Variants in CYB561A3 observed in about 807,000 individuals in gnomAD.
The protein encoded by CYB561A3 is cytochrome b561 family member A3, also known as lysosomal membrane ascorbate-dependent ferrireductase CYB561A3.
A neutral mutation model predicts 25.3 loss-of-function variants in CYB561A3; 16 were observed. That is an observed-to-expected ratio of 0.63 (90% CI 0.43 to 0.96). The LOEUF is 0.96. Among genes scored for constraint, CYB561A3 ranks in the 40% least tolerant of loss-of-function variants. CYB561A3 has a pLI of 0.00. For missense variants in CYB561A3, 219 were observed against 307.5 expected, an observed-to-expected ratio of 0.71 and a Z score of 2.15; for synonymous variants, 131 against 129.9, an observed-to-expected ratio of 1.01 and a Z score of -0.06.
intron 5 of CYB561A3, chr11:61,352,717 G>A (rs1857472118): frequency 1.0e-6 from 1 of 994,532 alleles, no homozygotes; most frequent in African/African-American, 1.7e-5. Context: ...TACCAATGAT[G>A]TAGGGTGGTT....
In CYB561A3 at chr11:61,349,703, CAG is replaced by C; in HGVS notation, c.*694_*695del. 1 of 699,614 alleles carries C rather than the reference CAG, an allele frequency of 1.4e-6. No individual in the cohort carries two copies. The highest frequency in any genetic ancestry group is 1.5e-5 in the South Asian group (1 of 67,318). 43.3% of individuals were successfully genotyped at this position (699,614 alleles called of 1,614,324 possible). On this transcript the variant is annotated 3_prime_UTR_variant, in exon 7 of 7. Coordinates refer to ENST00000294072, the MANE Select transcript of CYB561A3 (RefSeq NM_153611.6). ...GCAGACACAGAGCAGCAATACGAAA[CAG>C]AACAGCTCAGAGCGGTCAGCTCCTC...
Position 61,361,717 on chromosome 11 carries a change from C to A in CYB561A3, c.-112+16G>T, listed in dbSNP as rs894434472. 6.6e-6 allele frequency: 1 copy of A among 152,348 alleles called. No individual in the cohort carries two copies. The highest frequency in any genetic ancestry group is 2.4e-5 in the African/African-American group (1 of 41,472). The allele number at this position is 152,348 out of a possible 1,614,324, so 9.4% of individuals were successfully genotyped here. On this transcript the variant is annotated intron_variant, in intron 1 of 6. Coordinates refer to ENST00000294072, the MANE Select transcript of CYB561A3 (RefSeq NM_153611.6). ...AACCCAGGTCCCTGAACTCCCAGCC[C>A]CGGGATCCTTCTCACCCCTAACCAC...
chr11:61,355,571 C>G (rs899890471), intron 3 of CYB561A3, among the ~76,000 whole-genome samples: 1 of 151,746 alleles, frequency 6.6e-6, no homozygotes, highest in East Asian at 1.9e-4. Flanking sequence ...ATCTCAGGTA[C>G]TTGGGAGGCT....
intron 2 of CYB561A3, chr11:61,357,174 T>C (rs1351566902): frequency 1.3e-6 from 2 of 1,551,260 alleles, no homozygotes; most frequent in Non-Finnish European, 1.7e-6. Flanking sequence ...AAAATTACAG[T>C]CTGAAAAGAG....
chr11:61,349,490 A>G lies in CYB561A3; in HGVS notation c.*909T>C. The G allele has an allele frequency of 1.4e-6, 1 of 698,458 alleles. No individual in the cohort carries two copies. Among genetic ancestry groups the G allele is most frequent in the Non-Finnish European group, 2.6e-6 (1 of 381,548 alleles). The allele number at this position is 698,458 out of a possible 1,614,324, so 43.3% of individuals were successfully genotyped here. A position where few individuals can be genotyped will look rare whatever the true frequency, so the allele number is the denominator to read the frequency against. On this transcript the variant is annotated 3_prime_UTR_variant, in exon 7 of 7. Coordinates refer to ENST00000294072, the MANE Select transcript of CYB561A3 (RefSeq NM_153611.6). ...CAGCAAGGAGAAGTAGAGGAAGTCC[A>G]CAGCCACCTCTGTTACTCATCGCTA... is the stretch of plus-strand genomic sequence containing the variant.
chr11:61,354,848 T>TGTTTGGC (rs991704375), intron 3 of CYB561A3: 6 of 149,802 alleles, frequency 4.0e-5, no homozygotes, highest in African/African-American at 1.5e-4. Context: ...GCCTCTTAGC[T>TGTTTGGC]GTTTGGCCTC....
At chr11:61,352,305 C>CT (rs1857449687) in intron 5 of CYB561A3, 2 of 34,038 alleles carry the variant, frequency 5.9e-5, no homozygotes, top group Non-Finnish European at 1.4e-3. Flanking sequence ...TCTGTTCCCT[C>CT]ATTTTTTTTA....
intron 1 of CYB561A3, chr11:61,360,150 G>C (rs757124275): frequency 2.6e-5 from 4 of 152,180 alleles, no homozygotes; most frequent in Non-Finnish European, 5.9e-5. Context: ...GCTGAGGTGG[G>C]AGGATGGCTT....
At chr11:61,350,843 A>G (rs1340336237) in intron 6 of CYB561A3, 148 bp downstream of exon 6, 2 of 1,192,014 alleles carry the variant, frequency 1.7e-6, no homozygotes, top group East Asian at 5.3e-5. Context: ...AGTGCTCCCC[A>G]TCAGCCACCC....
intron 1 of CYB561A3, chr11:61,361,203 C>G (rs1857862356): frequency 1.3e-5 from 2 of 152,126 alleles, no homozygotes; most frequent in African/African-American, 2.4e-5. Context: ...GGGCCCAAAA[C>G]AAGAAAATGA....
upstream of CYB561A3, chr11:61,361,908 C>T (rs1272231046): frequency 6.6e-6 from 1 of 152,324 alleles, no homozygotes; most frequent in African/African-American, 2.4e-5. Context: ...GCCTCGCCTT[C>T]TTATAGGCTC....
chr11:61,356,352 A>C (rs1857652325), intron 3 of CYB561A3, 178 bp downstream of exon 3: 3 of 852,446 alleles, frequency 3.5e-6, no homozygotes, highest in Non-Finnish European at 5.3e-6. Context: ...CCCTTCTGAG[A>C]TGCCCCCCAT....
chr11:61,353,945 GC>G lies in CYB561A3; in HGVS notation c.231del (p.Trp79GlyfsTer10). On this transcript the variant is annotated frameshift_variant, in exon 4 of 7. Transcript: ENST00000294072. LOFTEE classifies it high-confidence loss of function. ...AGCGCTGCATGGAGGAGTTTCCAGGGCAGTTTGGGCCCCACCCACGACTGGG... is the reference window on the plus strand; with the variant it reads ...AGCGCTGCATGGAGGAGTTTCCAGGGAGTTTGGGCCCCACCCACGACTGGG... ...RLPQSWVGPK[L>X]PWKLLHAALH... 6.2e-7 allele frequency: 1 copy of G among 1,614,192 alleles called. No individual in the cohort carries two copies. Among genetic ancestry groups the G allele is most frequent in the Middle Eastern group, 1.6e-4 (1 of 6,062 alleles).
chr11:61,357,200 TACCCTAG>T, intron 2 of CYB561A3: 1 of 1,551,382 alleles, frequency 6.4e-7, no homozygotes, highest in Non-Finnish European at 8.7e-7. Flanking sequence ...ACCCCACTAT[TACCCTAG>T]ACAGGAAGGA....
chr11:61,354,670 CT>C (rs1451244188), intron 3 of CYB561A3: 2 of 152,096 alleles, frequency 1.3e-5, no homozygotes, highest in Non-Finnish European at 2.9e-5. Context: ...AAGCAGGTTT[CT>C]TGGACCTCTC....
chr11:61,348,765 G>A (rs1590590952), downstream of CYB561A3: 1 of 152,580 alleles, frequency 6.6e-6, no homozygotes. Context: ...AGCCACCCAG[G>A]CTATTATATT....
In CYB561A3 at chr11:61,351,137, T is replaced by G. The variant is rs767938264; in HGVS notation, c.559A>C (p.Thr187Pro). The change falls in exon 6 of 7, where the codon ACC (threonine) becomes CCC (proline). Residue 187 changes from threonine (T) to proline (P), a missense_variant. By Grantham distance (38) the Thr-to-Pro change is conservative. Transcript: ENST00000294072. Reference sequence around the variant, plus strand: ...CTGGGCAGGCTGTGGTATGGCCTGGTGGTGTTTTTCCTGAAGATGACAAAA... The same window carrying G: ...CTGGGCAGGCTGTGGTATGGCCTGGGGGTGTTTTTCCTGAAGATGACAAAA... ...EKLFFSLKNT[T>P]RPYHSLPSEA... 3.7e-6 allele frequency: 6 copies of G among 1,608,354 alleles called. No individual in the cohort carries two copies. The South Asian group carries it at 6.7e-5, about 18-fold the overall frequency.
At chr11:61,357,324 GA>G in intron 2 of CYB561A3, 1 of 1,224,132 alleles carries the variant, frequency 8.2e-7, no homozygotes, top group Non-Finnish European at 1.1e-6. Context: ...TGAACCAGCT[GA>G]TGCCCCTCAG....
In CYB561A3 at chr11:61,353,064, C is replaced by T. The variant is rs116452340; in HGVS notation, c.469G>A (p.Val157Ile). 1,081 of 1,614,114 alleles carry T rather than the reference C, an allele frequency of 6.7e-4. 11 individuals carry two copies. The African/African-American group carries it at 0.013, about 19-fold the overall frequency. The change falls in exon 5 of 7, where the codon GTC becomes ATC. Residue 157 changes from valine to isoleucine, a missense_variant. Coordinates refer to ENST00000294072, the MANE Select transcript of CYB561A3 (RefSeq NM_153611.6). ...GAGAGGATGGCGGCTCCAAAAAAGA[C>T]GTGGATAGGTTTTAGGAGGCTGCGC... is the stretch of plus-strand genomic sequence containing the variant. The part of the protein sequence containing the change: ...WLRSLLKPIH[V>I]FFGAAILSLS...
Sources: allele counts gnomAD v4.1 joint callset (sites outside exome capture counted in the v4.1 genomes callset), GRCh38; gene constraint gnomAD v4.1.1; transcripts MANE v1.5; gene names NCBI Gene and HGNC (gene_info 2026-07-23, HGNC 2026-07-21).